The following MED21 variants were observed in gnomAD, a reference collection of about 807,000 sequenced individuals.
The protein encoded by MED21 is mediator of RNA polymerase II transcription subunit 21.
In MED21, 9 loss-of-function variants were observed where a neutral mutation model predicts 18.2. That is an observed-to-expected ratio of 0.49 (90% CI 0.30 to 0.86). The LOEUF is 0.86. Ranked by LOEUF, MED21 falls within the 40% of genes least tolerant of loss-of-function variation. The pLI, the probability that MED21 is intolerant of heterozygous loss-of-function variation, is 0.07. For synonymous variants in MED21, 73 were observed against 60.5 expected, an observed-to-expected ratio of 1.21 and a Z score of -0.96; for missense variants, 150 against 170.9, an observed-to-expected ratio of 0.88 and a Z score of 0.68.
rs1941586788 is a variant in MED21 at position 27,029,373 on chromosome 12, G to T, written c.*912G>T. The T allele has an allele frequency of 1.0e-6, 1 of 985,112 alleles. No individual in the cohort carries two copies. The highest frequency in any genetic ancestry group is 4.7e-5 in the South Asian group (1 of 21,282). 61.0% of individuals were successfully genotyped at this position (985,112 alleles called of 1,614,324 possible). ...AATTTGTGTCAGCATTTTCAACTAT[G>T]GTTATTCATCCAACCCTTGGATCTC... On this transcript the variant is annotated 3_prime_UTR_variant, in exon 4 of 4. Coordinates refer to ENST00000282892, the MANE Select transcript of MED21 (RefSeq NM_004264.5).
Position 27,029,067 on chromosome 12 carries a change from CAA to C in MED21, c.*607_*608del, listed in dbSNP as rs1158357371. 3.0e-6 allele frequency: 3 copies of C among 985,272 alleles called. No individual in the cohort carries two copies. Among genetic ancestry groups the C allele is most frequent in the East Asian group, 2.3e-4 (2 of 8,830 alleles). The allele number at this position is 985,272 out of a possible 1,614,324, so 61.0% of individuals were successfully genotyped here. A position where few individuals can be genotyped will look rare whatever the true frequency, so the allele number is the denominator to read the frequency against. On this transcript the variant is annotated 3_prime_UTR_variant, in exon 4 of 4. Transcript: ENST00000282892. ...TTTATTTTACCAAGAGATCCTCTGT[CAA>C]GAGAATTTCCTGGCTGTTGTGAAAG...
In MED21 at chr12:27,029,611, T is replaced by C; in HGVS notation, c.*1150T>C. The C allele has an allele frequency of 1.0e-6, 1 of 985,460 alleles. No individual in the cohort carries two copies. Among genetic ancestry groups the C allele is most frequent in the South Asian group, 4.7e-5 (1 of 21,288 alleles). The allele number at this position is 985,460 out of a possible 1,614,324, so 61.0% of individuals were successfully genotyped here. On this transcript the variant is annotated 3_prime_UTR_variant, in exon 4 of 4. Coordinates refer to ENST00000282892, the MANE Select transcript of MED21 (RefSeq NM_004264.5). ...TGTAATCAAGCTTTTCCACAGTTCT[T>C]GAAAAGTACTATGTTTCAAATTTCA...
chr12:27,033,373 G>A (rs78525859), downstream of MED21, among the ~76,000 whole-genome samples: 1,285 of 152,220 alleles, frequency 8.4e-3, 15 homozygotes, highest in African/African-American at 0.029. Context: ...CACTCATGAG[G>A]CCTTTACCTT....
chr12:27,033,514 T>C (rs765140592), downstream of MED21, among the ~76,000 whole-genome samples: 11 of 152,244 alleles, frequency 7.2e-5, no homozygotes, highest in Non-Finnish European at 1.2e-4. Flanking sequence ...TCATTTCAAA[T>C]AGAGTCATTC....
chr12:27,022,753 TCTCGGGAGGCGCCACCGCGAA>T (rs1470851648), intron 1 of MED21, 132 bp downstream of exon 1: 9 of 1,556,202 alleles, frequency 5.8e-6, no homozygotes, highest in Admixed American at 3.7e-5. Context: ...TAAAGCGCTC[TCTCGGGAGGCGCCACCGCGAA>T]CTCGGAGGTT....
chr12:27,038,671 TCA>T (rs1490001298), intron 2 of MED21: 3 of 152,268 alleles, frequency 2.0e-5, no homozygotes, highest in Non-Finnish European at 4.4e-5. Context: ...AAAACCAAAT[TCA>T]CACAGACATG....
intron 2 of MED21, among the ~76,000 whole-genome samples, 197 bp from the exon 3 acceptor site, chr12:27,027,150 A>G (rs760695187): frequency 5.9e-5 from 9 of 152,096 alleles, no homozygotes; most frequent in Non-Finnish European, 1.2e-4. Context: ...GCTGGTCTCA[A>G]ACTCCTGACC....
intron 2 of MED21, 30 bp downstream of exon 2, chr12:27,026,564 T>G: frequency 6.5e-6 from 9 of 1,381,790 alleles, no homozygotes; most frequent in Non-Finnish European, 9.3e-6. Context: ...TTCTCTTAGT[T>G]TGACTCTCAC....
intron 1 of MED21, among the ~76,000 whole-genome samples, chr12:27,026,001 T>A (rs1941539650): frequency 6.6e-6 from 1 of 152,188 alleles, no homozygotes; most frequent in Non-Finnish European, 1.5e-5. Flanking sequence ...ACTTTGTGCA[T>A]GAGAAATAAA....
intron 1 of MED21, 109 bp from the exon 2 acceptor site, chr12:27,026,311 C>A: frequency 3.2e-6 from 2 of 622,438 alleles, no homozygotes; most frequent in East Asian, 2.9e-5. Context: ...TGTTTTATTC[C>A]CTTGCTCAGA....
chr12:27,023,524 C>G (rs1411869960), intron 1 of MED21, among the ~76,000 whole-genome samples: 1 of 151,774 alleles, frequency 6.6e-6, no homozygotes, highest in Non-Finnish European at 1.5e-5. Flanking sequence ...CTCAAACTCC[C>G]GGCCTCAAGC....
chr12:27,034,464 T>C (rs1219437697), downstream of MED21, among the ~76,000 whole-genome samples: 1 of 152,182 alleles, frequency 6.6e-6, no homozygotes, highest in Non-Finnish European at 1.5e-5. Flanking sequence ...TTTAAATAGA[T>C]AAACAAGGTC....
intron 2 of MED21, among the ~76,000 whole-genome samples, chr12:27,036,186 C>T (rs146562133): frequency 0.019 from 2,828 of 152,294 alleles, 95 homozygotes; most frequent in African/African-American, 0.064. Context: ...TCTCTGATGG[C>T]CAGTGATGAT....
rs1485668684 is a variant in MED21, at chr12:27,028,678, T to G, written c.*217T>G. ...TTTAAAGCATCATACCATCATTTTT[T>G]AACTGAGTGAAATTATTAAGGCATG... On this transcript the variant is annotated 3_prime_UTR_variant, in exon 4 of 4. Coordinates refer to ENST00000282892, the MANE Select transcript of MED21 (RefSeq NM_004264.5). The G allele has an allele frequency of 8.2e-7, 1 of 1,212,650 alleles. No homozygotes were observed. Among genetic ancestry groups the G allele is most frequent in the African/African-American group, 1.5e-5 (1 of 65,066 alleles). 75.1% of individuals were successfully genotyped at this position (1,212,650 alleles called of 1,614,324 possible). A position where few individuals can be genotyped will look rare whatever the true frequency, so the allele number is the denominator to read the frequency against.
chr12:27,036,369 T>G (rs1041952265), intron 2 of MED21, among the ~76,000 whole-genome samples: 3 of 152,196 alleles, frequency 2.0e-5, no homozygotes, highest in Non-Finnish European at 4.4e-5. Flanking sequence ...TTGCGAAAAT[T>G]TTCTCCCATT....
intron 1 of MED21, among the ~76,000 whole-genome samples, chr12:27,023,400 A>G (rs1387628027): frequency 1.5e-5 from 2 of 130,686 alleles, no homozygotes; most frequent in Non-Finnish European, 3.6e-5. Context: ...CCCGGGTTCA[A>G]GCGATTCTCC....
chr12:27,027,615 G>A (rs1941562880), intron 3 of MED21, among the ~76,000 whole-genome samples, 168 bp downstream of exon 3: 1 of 152,144 alleles, frequency 6.6e-6, no homozygotes, highest in Non-Finnish European at 1.5e-5. Flanking sequence ...TGGAGTCTGG[G>A]AAGTCCAAGA....
chr12:27,031,485 T>C (rs935587771), downstream of MED21, among the ~76,000 whole-genome samples: 6 of 152,298 alleles, frequency 3.9e-5, no homozygotes, highest in African/African-American at 1.4e-4. Flanking sequence ...AAACCCTGTG[T>C]CTGGGCATTA....
rs894103466 is a variant in MED21, at chr12:27,027,394, A to G, written c.205A>G (p.Ile69Val). 6.2e-7 allele frequency: 1 copy of G among 1,613,924 alleles called. No homozygotes were observed. The highest frequency in any genetic ancestry group is 8.5e-7 in the Non-Finnish European group (1 of 1,179,900). ...AALIARTAKD[I>V]DVLIDSLPSE... ...ACTGATTGCACGAACAGCAAAAGAC[A>G]TTGATGTTTTGATAGATTCCTTACC... Residue 69 changes from isoleucine to valine, a missense_variant, in exon 3 of 4, where the codon ATT (isoleucine) becomes GTT (valine). By Grantham distance (29) the Ile-to-Val change is conservative. Coordinates refer to ENST00000282892, the MANE Select transcript of MED21 (RefSeq NM_004264.5).
Sources: gnomAD v4.1 joint callset for allele counts (sites outside exome capture counted in the v4.1 genomes callset) on GRCh38, gnomAD v4.1.1 for gene constraint, MANE v1.5 for transcripts, NCBI Gene and HGNC (gene_info 2026-07-23, HGNC 2026-07-21) for gene names.